Variants in AKAP19 observed in about 807,000 individuals in gnomAD.
AKAP19 encodes small A-kinase anchoring protein.
the AKAP19 span, chr2:189,923,355 A>G: frequency 2.9e-5 from 47 of 1,612,312 alleles, no homozygotes; most frequent in East Asian, 1.0e-3. Context: ...AACGTTACCA[A>G]CAAGACAGAT....
chr2:189,975,524 G>A, the AKAP19 span, among the ~76,000 whole-genome samples: 1 of 152,112 alleles, frequency 6.6e-6, no homozygotes, highest in Non-Finnish European at 1.5e-5. Context: ...TTGAATGTTG[G>A]CCTGCCTTAC....
the AKAP19 span, among the ~76,000 whole-genome samples, chr2:190,198,736 A>T: frequency 6.6e-6 from 1 of 151,968 alleles, no homozygotes; most frequent in South Asian, 2.1e-4. Context: ...GGGACCATTA[A>T]TCTCATTCAT....
At chr2:190,194,074 T>C in the AKAP19 span, among the ~76,000 whole-genome samples, 3 of 152,200 alleles carry the variant, frequency 2.0e-5, no homozygotes, top group South Asian at 2.1e-4. Context: ...TTTCCAAATA[T>C]ATGAGGCTTT....
At chr2:190,192,603 T>C in the AKAP19 span, among the ~76,000 whole-genome samples, 16 of 152,098 alleles carry the variant, frequency 1.1e-4, no homozygotes, top group Non-Finnish European at 1.5e-4. Flanking sequence ...CGAATATACA[T>C]GTTAATTTGG....
the AKAP19 span, among the ~76,000 whole-genome samples, chr2:189,972,072 A>T: frequency 6.6e-6 from 1 of 152,128 alleles, no homozygotes; most frequent in African/African-American, 2.4e-5. Context: ...TATGTCCTGA[A>T]TAGTATTGCC....
At chr2:189,930,915 C>T in the AKAP19 span, 581 of 713,700 alleles carry the variant, frequency 8.1e-4, 2 homozygotes, top group African/African-American at 8.9e-3. Context: ...GCTCCTGATA[C>T]GGCTTAGTTC....
chr2:189,948,343 T>C, the AKAP19 span, among the ~76,000 whole-genome samples: 2 of 150,484 alleles, frequency 1.3e-5, no homozygotes, highest in East Asian at 3.9e-4. Context: ...TTGTCTCTGT[T>C]TAGCTTAGAG....
the AKAP19 span, chr2:190,056,986 A>G: frequency 2.7e-6 from 1 of 374,942 alleles, no homozygotes; most frequent in Non-Finnish European, 4.8e-6. Context: ...TTCCTCGCCG[A>G]TGTTGTAATA....
the AKAP19 span, among the ~76,000 whole-genome samples, chr2:190,058,786 A>AAG: frequency 1.3e-5 from 2 of 152,120 alleles, no homozygotes; most frequent in South Asian, 4.1e-4. Context: ...AGTGCGAGCT[A>AAG]AGCTATGCGT....
chr2:189,998,397 T>A, the AKAP19 span, among the ~76,000 whole-genome samples: 1 of 152,284 alleles, frequency 6.6e-6, no homozygotes, highest in South Asian at 2.1e-4. Flanking sequence ...TGGGATTTTC[T>A]TAATGAAAAA....
At chr2:190,038,109 A>C in the AKAP19 span, among the ~76,000 whole-genome samples, 2 of 152,174 alleles carry the variant, frequency 1.3e-5, no homozygotes, top group African/African-American at 2.4e-5. Flanking sequence ...GTCTTGATGC[A>C]TCTGCTTTAA....
the AKAP19 span, among the ~76,000 whole-genome samples, chr2:190,034,534 C>CAAA: frequency 0.049 from 3,353 of 67,970 alleles, 824 homozygotes; most frequent in East Asian, 0.069. Context: ...GGCTACAGTG[C>CAAA]AAAAAAAAAA....
At chr2:190,062,345 A>G in the AKAP19 span, 1 of 1,613,300 alleles carries the variant, frequency 6.2e-7, no homozygotes, top group Non-Finnish European at 8.5e-7. Context: ...GGAGTGGAGG[A>G]GCTTTGGGTA....
At chr2:189,921,293 G>A in the AKAP19 span, among the ~76,000 whole-genome samples, 3 of 152,180 alleles carry the variant, frequency 2.0e-5, no homozygotes, top group Non-Finnish European at 4.4e-5. Flanking sequence ...TCAGGAAAAT[G>A]TTGTGTCATA....
chr2:190,000,553 G>T, the AKAP19 span, among the ~76,000 whole-genome samples: 1 of 152,154 alleles, frequency 6.6e-6, no homozygotes, highest in African/African-American at 2.4e-5. Context: ...AAACTGAGGG[G>T]TTTCACTTCT....
the AKAP19 span, among the ~76,000 whole-genome samples, chr2:190,148,923 G>T: frequency 6.7e-6 from 1 of 148,154 alleles, no homozygotes; most frequent in African/African-American, 2.5e-5. Context: ...TTTTGCTAAT[G>T]GTCTATCAAT....
chr2:189,893,958 C>T, the AKAP19 span, among the ~76,000 whole-genome samples: 1 of 151,954 alleles, frequency 6.6e-6, no homozygotes, highest in Non-Finnish European at 1.5e-5. Context: ...TTCCAGACAT[C>T]ATAGGCATTA....
At chr2:190,081,959 A>G in the AKAP19 span, among the ~76,000 whole-genome samples, 1 of 152,116 alleles carries the variant, frequency 6.6e-6, no homozygotes, top group South Asian at 2.1e-4. Flanking sequence ...TAGGGGCTAA[A>G]TAGAAACCAG....
chr2:190,024,896 T>A, the AKAP19 span, among the ~76,000 whole-genome samples: 14 of 152,356 alleles, frequency 9.2e-5, no homozygotes, highest in African/African-American at 3.1e-4. Flanking sequence ...CTAATGCTAG[T>A]TGATCTGTAT....
Sources: gnomAD v4.1 joint callset for allele counts (sites outside exome capture counted in the v4.1 genomes callset) on GRCh38, gnomAD v4.1.1 for gene constraint, MANE v1.5 for transcripts, NCBI Gene and HGNC (gene_info 2026-07-23, HGNC 2026-07-21) for gene names.